The following MDGA2 variants were observed in gnomAD, a reference collection of about 807,000 sequenced individuals.
The protein encoded by MDGA2 is MAM domain-containing glycosylphosphatidylinositol anchor protein 2.
A neutral mutation model predicts 117.8 loss-of-function variants in MDGA2; 40 were observed. The observed-to-expected ratio is 0.34, with a 90% CI of 0.26 to 0.44. The LOEUF is 0.44. Among genes scored for constraint, MDGA2 ranks in the 20% least tolerant of loss-of-function variants. The probability of loss-of-function intolerance (pLI) is 1.00; values close to 1 mark genes in which losing one functional copy is unlikely to be tolerated. For missense variants in MDGA2, 1,123 were observed against 1,250.6 expected, an observed-to-expected ratio of 0.90 and a Z score of 1.54; for synonymous variants, 452 against 439.0, an observed-to-expected ratio of 1.03 and a Z score of -0.37.
chr14:47,258,586 G>C, intron 2 of MDGA2, among the ~76,000 whole-genome samples: 1 of 152,008 alleles, frequency 6.6e-6, no homozygotes, highest in Non-Finnish European at 1.5e-5. Context: ...AATCACATGG[G>C]AAGTGGGAAA....
intron 1 of MDGA2, among the ~76,000 whole-genome samples, chr14:47,553,496 A>C (rs1895625695): frequency 6.6e-6 from 1 of 152,166 alleles, no homozygotes; most frequent in South Asian, 2.1e-4. Flanking sequence ...TTAATGTTTA[A>C]ATAGCTAATT....
intron 1 of MDGA2, among the ~76,000 whole-genome samples, chr14:47,579,545 T>C (rs1011569889): frequency 6.6e-6 from 1 of 152,064 alleles, no homozygotes; most frequent in African/African-American, 2.4e-5. Context: ...GAAACAGCAA[T>C]GTGTTTCAAG....
chr14:47,674,668 C>T lies in MDGA2; in HGVS notation c.129G>A (p.Glu43=), dbSNP rs1898143464. The T allele has an allele frequency of 7.3e-7, 1 of 1,367,504 alleles. No homozygotes were observed. The highest frequency in any genetic ancestry group is 1.0e-6 in the Non-Finnish European group (1 of 980,052). The allele number at this position is 1,367,504 out of a possible 1,614,324, so 84.7% of individuals were successfully genotyped here. The stretch of plus-strand genomic sequence containing the variant: ...GGAGGCCGGCGGCCAGCCAGGCGCG[C>T]TCCACTCGCGCCCGGGCCAAGCCGA... The part of the protein sequence containing the change: ...GHLGLARARV[E]RAWLAAGLLK... Residue 43 remains glutamate, a synonymous_variant, in exon 1 of 17, where the codon GAG becomes GAA. Transcript: ENST00000399232.
chr14:47,633,030 A>C (rs1352216004), intron 1 of MDGA2, among the ~76,000 whole-genome samples: 1 of 152,178 alleles, frequency 6.6e-6, no homozygotes, highest in African/African-American at 2.4e-5. Flanking sequence ...TAATGCTTGT[A>C]AAGTGGTTGG....
chr14:47,058,815 A>G (rs1274464179), intron 7 of MDGA2: 3 of 985,642 alleles, frequency 3.0e-6, no homozygotes, highest in Non-Finnish European at 3.6e-6. Context: ...TAGGCCTTCT[A>G]TCACAATAAA....
chr14:47,455,548 A>G (rs745937492), intron 1 of MDGA2, among the ~76,000 whole-genome samples: 7 of 152,180 alleles, frequency 4.6e-5, no homozygotes, highest in Admixed American at 4.6e-4. Context: ...GTGGCACATT[A>G]AAGAGATCAA....
intron 7 of MDGA2, among the ~76,000 whole-genome samples, chr14:47,055,449 C>T (rs993637288): frequency 2.0e-5 from 3 of 152,056 alleles, no homozygotes; most frequent in Non-Finnish European, 4.4e-5. Flanking sequence ...CTATGGAACT[C>T]TTGCTGACTA....
chr14:47,629,133 T>C (rs1432295844), intron 1 of MDGA2, among the ~76,000 whole-genome samples: 1 of 152,192 alleles, frequency 6.6e-6, no homozygotes, highest in East Asian at 1.9e-4. Flanking sequence ...TCTCTTCCCA[T>C]TGGTGACAAG....
At chr14:47,270,089 T>A (rs916810402) in intron 2 of MDGA2, among the ~76,000 whole-genome samples, 2 of 152,192 alleles carry the variant, frequency 1.3e-5, no homozygotes, top group African/African-American at 4.8e-5. Flanking sequence ...GTGGGGTTGA[T>A]CTCAGAAGTG....
At chr14:47,245,403 CA>C (rs941446200) in intron 2 of MDGA2, among the ~76,000 whole-genome samples, 3 of 151,818 alleles carry the variant, frequency 2.0e-5, no homozygotes, top group Admixed American at 6.6e-5. Context: ...TTCTGGTCAA[CA>C]GTAAGCTATT....
At chr14:46,850,150 A>T (rs1236958287) in intron 15 of MDGA2, among the ~76,000 whole-genome samples, 3 of 151,892 alleles carry the variant, frequency 2.0e-5, no homozygotes, top group Non-Finnish European at 4.4e-5. Context: ...TTCAAACGGG[A>T]ATTCTAAAAA....
At chr14:47,433,253 G>A (rs1446223830) in intron 1 of MDGA2, among the ~76,000 whole-genome samples, 2 of 151,974 alleles carry the variant, frequency 1.3e-5, no homozygotes, top group African/African-American at 4.8e-5. Context: ...AAACAGCAGA[G>A]TTGTCCTTCT....
intron 5 of MDGA2, among the ~76,000 whole-genome samples, chr14:47,127,061 A>C (rs940512083): frequency 2.0e-5 from 3 of 152,176 alleles, no homozygotes; most frequent in Admixed American, 1.3e-4. Context: ...GTAAAGTAAG[A>C]CTTTTATAAA....
chr14:47,659,752 ATATTC>A (rs1393227454), intron 1 of MDGA2, among the ~76,000 whole-genome samples: 3 of 152,246 alleles, frequency 2.0e-5, no homozygotes, highest in African/African-American at 7.2e-5. Flanking sequence ...AAGGTGTACT[ATATTC>A]TATAAGTACT....
chr14:47,246,654 G>C (rs955349987), intron 2 of MDGA2, among the ~76,000 whole-genome samples: 1 of 151,416 alleles, frequency 6.6e-6, no homozygotes, highest in Non-Finnish European at 1.5e-5. Context: ...CTAGTAATAA[G>C]GTCAACAAAC....
At chr14:47,331,082 T>A (rs953184942) in intron 1 of MDGA2, among the ~76,000 whole-genome samples, 1 of 151,842 alleles carries the variant, frequency 6.6e-6, no homozygotes, top group Non-Finnish European at 1.5e-5. Flanking sequence ...TTTTTTATAA[T>A]GAAAATTTTG....
chr14:47,074,076 AATTAG>A (rs1016607548), intron 6 of MDGA2, among the ~76,000 whole-genome samples: 2 of 152,214 alleles, frequency 1.3e-5, no homozygotes, highest in East Asian at 1.9e-4. Flanking sequence ...ATCATAATTA[AATTAG>A]CATGATCATA....
intron 1 of MDGA2, among the ~76,000 whole-genome samples, chr14:47,560,160 C>T (rs1400972741): frequency 1.3e-5 from 2 of 151,776 alleles, no homozygotes; most frequent in African/African-American, 4.8e-5. Flanking sequence ...CTCCACCTCC[C>T]GGGTTCACGC....
At chr14:47,292,870 T>C (rs1215565726) in intron 2 of MDGA2, among the ~76,000 whole-genome samples, 1 of 152,230 alleles carries the variant, frequency 6.6e-6, no homozygotes, top group Non-Finnish European at 1.5e-5. Flanking sequence ...AAAAACACTA[T>C]GATATATTAT....
Sources: gnomAD v4.1 joint callset for allele counts (sites outside exome capture counted in the v4.1 genomes callset) on GRCh38, gnomAD v4.1.1 for gene constraint, MANE v1.5 for transcripts, NCBI Gene and HGNC (gene_info 2026-07-23, HGNC 2026-07-21) for gene names.